Variants in PRKCB observed in about 807,000 individuals in gnomAD.
PRKCB encodes protein kinase C beta type.
Under a neutral mutation model 81.5 loss-of-function variants are expected in PRKCB, and 13 were observed. The ratio of observed to expected loss-of-function variants is 0.16; its 90% CI spans 0.10 to 0.25. The LOEUF is 0.25. Ranked by LOEUF, PRKCB falls within the 10% of genes least tolerant of loss-of-function variation. The pLI is 1.00. For missense variants in PRKCB, 509 were observed against 875.7 expected (o/e 0.58, Z 5.29); for synonymous variants, 335 against 321.4 (o/e 1.04, Z -0.45).
At chr16:23,999,844 C>T (rs1047417734) in intron 3 of PRKCB, among the ~76,000 whole-genome samples, 1 of 152,138 alleles carries the variant, frequency 6.6e-6, no homozygotes, top group Non-Finnish European at 1.5e-5. Flanking sequence ...TTAAGGGGTT[C>T]TTGTCTGTGT....
At chr16:23,884,809 A>G (rs1194998444) in intron 2 of PRKCB, among the ~76,000 whole-genome samples, 1 of 152,128 alleles carries the variant, frequency 6.6e-6, no homozygotes, top group African/African-American at 2.4e-5. Context: ...CCAAAGTGCT[A>G]GGATGACAGG....
chr16:24,137,931 C>T (rs1032850443), intron 9 of PRKCB, among the ~76,000 whole-genome samples: 1 of 152,182 alleles, frequency 6.6e-6, no homozygotes, highest in Non-Finnish European at 1.5e-5. Flanking sequence ...CCTCATTGAA[C>T]ACCACTGCGG....
intron 7 of PRKCB, among the ~76,000 whole-genome samples, chr16:24,112,252 G>T (rs1367462571): frequency 6.6e-6 from 1 of 152,246 alleles, no homozygotes; most frequent in Non-Finnish European, 1.5e-5. Context: ...CATGACAAGA[G>T]TGTATTTACA....
intron 2 of PRKCB, among the ~76,000 whole-genome samples, chr16:23,950,156 T>TTTTCTG (rs1964260983): frequency 1.4e-5 from 2 of 148,092 alleles, no homozygotes; most frequent in African/African-American, 2.5e-5. Context: ...TTTTTTTTTT[T>TTTTCTG]TTCTGTTGAT....
At chr16:24,042,144 T>G (rs1965705945) in intron 5 of PRKCB, among the ~76,000 whole-genome samples, 1 of 151,374 alleles carries the variant, frequency 6.6e-6, no homozygotes, top group Non-Finnish European at 1.5e-5. Context: ...GTCATGGGGG[T>G]TTGTGTAATA....
At chr16:23,836,460 G>C (rs1962160013) in intron 1 of PRKCB, 112 bp downstream of exon 1, 1 of 1,430,642 alleles carries the variant, frequency 7.0e-7, no homozygotes, top group Non-Finnish European at 9.3e-7. Flanking sequence ...CTGGGACCCC[G>C]CGTCTCCGGA....
chr16:24,188,585 T>G (rs1251332689), intron 15 of PRKCB, among the ~76,000 whole-genome samples: 1 of 152,040 alleles, frequency 6.6e-6, no homozygotes, highest in African/African-American at 2.4e-5. Context: ...GGCCCGATTT[T>G]CTACTAAAAA....
At chr16:24,141,347 A>C (rs1966899092) in intron 9 of PRKCB, among the ~76,000 whole-genome samples, 1 of 152,052 alleles carries the variant, frequency 6.6e-6, no homozygotes, top group South Asian at 2.1e-4. Context: ...AGCATGCACC[A>C]CCATGCCTGG....
intron 12 of PRKCB, among the ~76,000 whole-genome samples, chr16:24,177,822 A>G (rs1967558087): frequency 1.3e-5 from 2 of 152,174 alleles, no homozygotes; most frequent in African/African-American, 2.4e-5. Context: ...TAGACTCTTA[A>G]TCTGGTTCTT....
chr16:23,863,723 C>T (rs1962724111), intron 2 of PRKCB, among the ~76,000 whole-genome samples: 1 of 152,190 alleles, frequency 6.6e-6, no homozygotes, highest in Non-Finnish European at 1.5e-5. Context: ...TTGTCCGCTT[C>T]CAATCAGGGT....
intron 2 of PRKCB, among the ~76,000 whole-genome samples, chr16:23,913,313 T>C (rs1567311863): frequency 6.6e-6 from 1 of 151,906 alleles, no homozygotes; most frequent in Non-Finnish European, 1.5e-5. Flanking sequence ...CAGACCGACC[T>C]TCCTCCTATT....
chr16:24,205,428 T>G (rs896081659), intron 16 of PRKCB, among the ~76,000 whole-genome samples: 1 of 151,878 alleles, frequency 6.6e-6, no homozygotes, highest in African/African-American at 2.4e-5. Context: ...GTGCTGGTAT[T>G]ATAGGCATGG....
In PRKCB at chr16:23,896,677, G is replaced by T. The variant is rs76616689; in HGVS notation, c.205+59271G>T. Among the ~76,000 whole-genome samples, 337 of 152,304 alleles carry T rather than the reference G, an allele frequency of 2.2e-3. 2 individuals are homozygous for T. Among genetic ancestry groups the T allele is most frequent in the Middle Eastern group, 0.01 (3 of 294 alleles). ...GGAAGGAAGAAAGGCATTCCAGGCA[G>T]AAGGACTAGCATATGCAAAGGGCTT... On this transcript the variant is annotated intron_variant, in intron 2 of 16. Transcript: ENST00000643927.
chr16:23,980,798 AATAT>A (rs143162594), intron 2 of PRKCB, among the ~76,000 whole-genome samples: 3 of 148,698 alleles, frequency 2.0e-5, no homozygotes, highest in African/African-American at 7.5e-5. Context: ...CTCCAAACAG[AATAT>A]ATATATATAT....
chr16:24,040,067 A>G (rs997227518), intron 5 of PRKCB, among the ~76,000 whole-genome samples: 1 of 152,124 alleles, frequency 6.6e-6, no homozygotes, highest in African/African-American at 2.4e-5. Flanking sequence ...TGAGTGTCAT[A>G]TGTTCTTTGG....
intron 2 of PRKCB, among the ~76,000 whole-genome samples, chr16:23,937,787 G>A (rs771618943): frequency 6.6e-6 from 1 of 152,174 alleles, no homozygotes; most frequent in Non-Finnish European, 1.5e-5. Flanking sequence ...GGCCTCTTAC[G>A]ATGGCTAATT....
At chr16:23,960,626 T>C (rs1387684230) in intron 2 of PRKCB, among the ~76,000 whole-genome samples, 1 of 152,106 alleles carries the variant, frequency 6.6e-6, no homozygotes, top group Non-Finnish European at 1.5e-5. Context: ...CTCTCCCTCT[T>C]CCCTCCCCAC....
intron 10 of PRKCB, among the ~76,000 whole-genome samples, chr16:24,155,605 G>A (rs1012037359): frequency 1.3e-5 from 2 of 152,110 alleles, no homozygotes; most frequent in Admixed American, 6.5e-5. Flanking sequence ...AAGATGTTTT[G>A]GGGACTTTTC....
At chr16:23,978,405 C>G (rs938586583) in intron 2 of PRKCB, among the ~76,000 whole-genome samples, 1 of 152,140 alleles carries the variant, frequency 6.6e-6, no homozygotes, top group African/African-American at 2.4e-5. Context: ...AGTGAACTGT[C>G]GTCTGTCCTG....
Sources: allele counts gnomAD v4.1 joint callset (sites outside exome capture counted in the v4.1 genomes callset), GRCh38; gene constraint gnomAD v4.1.1; transcripts MANE v1.5; gene names NCBI Gene and HGNC (gene_info 2026-07-23, HGNC 2026-07-21).